Variants in ATAD2B observed in about 807,000 individuals in gnomAD.
ATAD2B encodes the protein ATPase family AAA domain-containing protein 2B.
ATAD2B carries 40 observed loss-of-function variants against 167.6 expected under a neutral mutation model. That is an observed-to-expected ratio of 0.24 (90% confidence interval 0.19 to 0.31). The LOEUF (loss-of-function observed/expected upper bound fraction) is 0.31, where lower values mean the gene tolerates loss of function less well. Among genes scored for constraint, ATAD2B ranks in the 10% least tolerant of loss-of-function variants. ATAD2B has a pLI of 1.00. For missense variants in ATAD2B, 1,242 were observed against 1,757.2 expected (o/e 0.71, Z 5.24); for synonymous variants, 579 against 596.5 (o/e 0.97, Z 0.43).
the ATAD2B span, among the ~76,000 whole-genome samples, chr2:23,718,630 G>C: frequency 6.6e-6 from 1 of 152,174 alleles, no homozygotes; most frequent in African/African-American, 2.4e-5. Context: ...TCCTAGGATT[G>C]TTATAAAAAA....
At chr2:23,878,025 A>AAAAAAAAAAAAGAAAAG (rs1697243135) in intron 7 of ATAD2B, among the ~76,000 whole-genome samples, 1 of 106,876 alleles carries the variant, frequency 9.4e-6, no homozygotes, top group Admixed American at 1.4e-4. Flanking sequence ...AAAAAAAAAA[A>AAAAAAAAAAAAGAAAAG]AAAAAAAAAA....
At chr2:23,706,472 C>A in the ATAD2B span, 2 of 1,478,944 alleles carry the variant, frequency 1.4e-6, no homozygotes, top group Admixed American at 4.7e-5. Flanking sequence ...CCCCGCTTTC[C>A]CCCAACAGTG....
intron 14 of ATAD2B, among the ~76,000 whole-genome samples, chr2:23,833,638 A>C (rs1174194013): frequency 2.0e-5 from 3 of 152,256 alleles, no homozygotes; most frequent in Admixed American, 6.5e-5. Flanking sequence ...AGAAACTGCC[A>C]TACAGGACAA....
chr2:23,858,653 T>C (rs1187307989), intron 12 of ATAD2B, among the ~76,000 whole-genome samples: 1 of 151,914 alleles, frequency 6.6e-6, no homozygotes, highest in African/African-American at 2.4e-5. Context: ...CCAGCTAATT[T>C]TTAAGTATTT....
At chr2:23,919,383 C>T (rs913781570) in intron 1 of ATAD2B, among the ~76,000 whole-genome samples, 1 of 151,772 alleles carries the variant, frequency 6.6e-6, no homozygotes, top group Non-Finnish European at 1.5e-5. Flanking sequence ...CCCATCTCTA[C>T]AAAAAATACA....
the ATAD2B span, among the ~76,000 whole-genome samples, chr2:23,702,928 C>A: frequency 6.6e-6 from 1 of 150,920 alleles, no homozygotes; most frequent in Non-Finnish European, 1.5e-5. Flanking sequence ...GGGATGGAGA[C>A]AGGAATTCTG....
At chr2:23,862,411 T>G (rs762162913) in intron 12 of ATAD2B, among the ~76,000 whole-genome samples, 62 of 107,490 alleles carry the variant, frequency 5.8e-4, no homozygotes, top group Non-Finnish European at 1.2e-3. Flanking sequence ...GTTTTTTTTT[T>G]TTTTTTTTTT....
chr2:23,922,182 A>G (rs192301920), intron 1 of ATAD2B, among the ~76,000 whole-genome samples: 2 of 152,340 alleles, frequency 1.3e-5, no homozygotes, highest in African/African-American at 4.8e-5. Flanking sequence ...AGCCAGAAAT[A>G]CCAGCAAACA....
intron 2 of ATAD2B, among the ~76,000 whole-genome samples, 178 bp from the exon 3 acceptor site, chr2:23,888,577 A>G (rs1699026190): frequency 6.6e-6 from 1 of 152,162 alleles, no homozygotes; most frequent in South Asian, 2.1e-4. Flanking sequence ...GTTAAAAGCC[A>G]TTTCATTACT....
intron 1 of ATAD2B, among the ~76,000 whole-genome samples, chr2:23,918,200 T>C (rs1162609041): frequency 3.3e-5 from 1 of 30,690 alleles, no homozygotes; most frequent in Non-Finnish European, 6.5e-5. Context: ...ACCTTGTCTC[T>C]ACAAAAAAAA....
At chr2:23,704,875 G>C in the ATAD2B span, among the ~76,000 whole-genome samples, 2 of 152,368 alleles carry the variant, frequency 1.3e-5, no homozygotes, top group East Asian at 3.9e-4. Context: ...TTCAGTGTGG[G>C]AATAGCATGA....
chr2:23,804,436 C>T (rs1319110545), intron 18 of ATAD2B, among the ~76,000 whole-genome samples: 1 of 152,070 alleles, frequency 6.6e-6, no homozygotes, highest in African/African-American at 2.4e-5. Context: ...CGACTTCTAA[C>T]CCAGAAGCTC....
chr2:23,891,101 A>G (rs1434471900), intron 2 of ATAD2B, among the ~76,000 whole-genome samples: 2 of 151,344 alleles, frequency 1.3e-5, no homozygotes, highest in African/African-American at 4.9e-5. Flanking sequence ...GCTCACTGCA[A>G]CCACCATCTC....
the ATAD2B span, among the ~76,000 whole-genome samples, chr2:23,699,068 C>CTTAA: frequency 1.3e-5 from 2 of 152,230 alleles, no homozygotes; most frequent in Admixed American, 1.3e-4. Flanking sequence ...TTGTCTGGGG[C>CTTAA]TTAATTGAAT....
At chr2:23,887,780 G>T in intron 4 of ATAD2B, 52 bp downstream of exon 4, 1 of 1,443,722 alleles carries the variant, frequency 6.9e-7, no homozygotes, top group Non-Finnish European at 9.2e-7. Context: ...AAACGTAACT[G>T]TCTTAAAAAC....
chr2:23,776,034 T>C (rs1007401982), intron 22 of ATAD2B, among the ~76,000 whole-genome samples: 1 of 152,200 alleles, frequency 6.6e-6, no homozygotes, highest in African/African-American at 2.4e-5. Flanking sequence ...GAGAATCGCA[T>C]GAACCCGAGA....
At chr2:23,838,886 AGAG>A (rs774224339) in intron 13 of ATAD2B, among the ~76,000 whole-genome samples, 1 of 152,184 alleles carries the variant, frequency 6.6e-6, no homozygotes, top group Non-Finnish European at 1.5e-5. Flanking sequence ...AATAACTAGT[AGAG>A]CAAGTGCTCC....
intron 25 of ATAD2B, 112 bp downstream of exon 25, chr2:23,757,306 T>G: frequency 1.3e-6 from 1 of 788,966 alleles, no homozygotes; most frequent in Non-Finnish European, 1.9e-6. Context: ...TAACATATTC[T>G]CAGAGGGGTA....
chr2:23,838,155 A>C (rs1297061231), intron 13 of ATAD2B, among the ~76,000 whole-genome samples: 1 of 152,226 alleles, frequency 6.6e-6, no homozygotes, highest in Non-Finnish European at 1.5e-5. Flanking sequence ...TGTATGTGTG[A>C]AGGAAGGATG....
Sources: allele counts gnomAD v4.1 joint callset (sites outside exome capture counted in the v4.1 genomes callset), GRCh38; gene constraint gnomAD v4.1.1; transcripts MANE v1.5; gene names NCBI Gene and HGNC (gene_info 2026-07-23, HGNC 2026-07-21).